The following FBXO36 variants were observed in gnomAD, a reference collection of about 807,000 sequenced individuals.
The protein encoded by FBXO36 is F-box only protein 36.
A neutral mutation model predicts 17.0 loss-of-function variants in FBXO36; 18 were observed. That is an observed-to-expected ratio of 1.06 (90% CI 0.73 to 1.57). FBXO36 has a LOEUF of 1.57. FBXO36 is among the 40% of genes most tolerant of loss of function. The probability of loss-of-function intolerance (pLI) is 0.00; values close to 1 mark genes in which losing one functional copy is unlikely to be tolerated. For missense variants in FBXO36, 229 were observed against 221.9 expected (o/e 1.03, Z -0.20); for synonymous variants, 83 against 85.3 (o/e 0.97, Z 0.15).
At chr2:230,004,514 A>T (rs1304943049) in intron 3 of FBXO36, among the ~76,000 whole-genome samples, 2 of 152,118 alleles carry the variant, frequency 1.3e-5, no homozygotes, top group Admixed American at 6.6e-5. Context: ...TCTGATTCTC[A>T]TCTCTAGTGG....
At chr2:229,954,844 G>A (rs1024615200) in intron 1 of FBXO36, among the ~76,000 whole-genome samples, 9 of 150,694 alleles carry the variant, frequency 6.0e-5, no homozygotes, top group African/African-American at 2.2e-4. Context: ...ACCATGCCTG[G>A]CGTTTTTTGT....
chr2:229,934,883 GA>G (rs2076956415), intron 1 of FBXO36, among the ~76,000 whole-genome samples: 1 of 152,136 alleles, frequency 6.6e-6, no homozygotes, highest in Non-Finnish European at 1.5e-5. Flanking sequence ...TTGAACTCCT[GA>G]CCACAGCCTC....
At chr2:230,005,064 T>C (rs917309938) in intron 3 of FBXO36, among the ~76,000 whole-genome samples, 2 of 152,088 alleles carry the variant, frequency 1.3e-5, no homozygotes, top group East Asian at 3.8e-4. Context: ...AAAATTGCCA[T>C]AGGATATCAG....
chr2:229,952,869 A>G (rs886990621), intron 1 of FBXO36, among the ~76,000 whole-genome samples: 2 of 152,176 alleles, frequency 1.3e-5, no homozygotes, highest in Non-Finnish European at 1.5e-5. Context: ...AGATCATGAC[A>G]TGGAGAACTC....
intron 1 of FBXO36, among the ~76,000 whole-genome samples, chr2:229,966,750 T>A (rs1288196712): frequency 6.6e-6 from 1 of 152,226 alleles, no homozygotes; most frequent in Non-Finnish European, 1.5e-5. Flanking sequence ...ATCTCTGTTT[T>A]GGTACCAGTA....
chr2:229,947,613 T>C (rs1015883784), intron 1 of FBXO36, among the ~76,000 whole-genome samples: 4 of 152,224 alleles, frequency 2.6e-5, no homozygotes, highest in African/African-American at 9.6e-5. Flanking sequence ...AGCTTTCTTA[T>C]TAGATTTTGT....
In FBXO36 at chr2:229,922,508, C is replaced by A. The variant is rs760244630; in HGVS notation, c.-6C>A. ...GTTGTCTTAGCGACGGCGGTGGCGT[C>A]CCAAGATGGCGTCGTGGCTGCCGGA... On this transcript the variant is annotated 5_prime_UTR_variant, in exon 1 of 4. Coordinates refer to ENST00000283946, the MANE Select transcript of FBXO36 (RefSeq NM_174899.5). 1 of 1,614,024 alleles carries A rather than the reference C, an allele frequency of 6.2e-7. No homozygotes were observed. Among genetic ancestry groups the A allele is most frequent in the Non-Finnish European group, 8.5e-7 (1 of 1,179,980 alleles).
At chr2:229,992,748 A>C (rs1008072243) in intron 2 of FBXO36, among the ~76,000 whole-genome samples, 6 of 152,236 alleles carry the variant, frequency 3.9e-5, no homozygotes, top group African/African-American at 7.2e-5. Flanking sequence ...CCAGTGGACC[A>C]GAAATTTGGG....
intron 2 of FBXO36, among the ~76,000 whole-genome samples, chr2:229,994,825 G>A (rs756869265): frequency 6.6e-6 from 1 of 152,078 alleles, no homozygotes; most frequent in Non-Finnish European, 1.5e-5. Flanking sequence ...CTTAAAAGGA[G>A]GTAGTCTTGG....
intron 3 of FBXO36, among the ~76,000 whole-genome samples, chr2:230,007,846 G>A (rs925411304): frequency 3.3e-5 from 5 of 151,786 alleles, no homozygotes; most frequent in East Asian, 3.9e-4. Context: ...TCCACCCTTC[G>A]GCCTCCCAAA....
intron 3 of FBXO36, among the ~76,000 whole-genome samples, chr2:229,999,013 A>T (rs2077343095): frequency 6.6e-6 from 1 of 151,736 alleles, no homozygotes; most frequent in Admixed American, 6.6e-5. Flanking sequence ...CGTGTTAGCC[A>T]GGATGGTCTC....
intron 3 of FBXO36, among the ~76,000 whole-genome samples, chr2:230,004,716 A>G (rs1303388383): frequency 6.6e-6 from 1 of 152,152 alleles, no homozygotes. Flanking sequence ...CTTTTAAAAT[A>G]TCAGTACTGG....
chr2:229,995,883 T>C (rs2077324537), intron 2 of FBXO36, among the ~76,000 whole-genome samples: 1 of 151,572 alleles, frequency 6.6e-6, no homozygotes, highest in African/African-American at 2.4e-5. Flanking sequence ...TGAGCCTCCG[T>C]GCCCAGCCCT....
chr2:229,996,980 A>T (rs2077331010), intron 3 of FBXO36, 57 bp downstream of exon 3: 3 of 1,524,698 alleles, frequency 2.0e-6, no homozygotes, highest in East Asian at 2.3e-5. Context: ...TCTAAAAAAA[A>T]TTTTTAACAT....
chr2:229,943,837 G>A (rs2077012751), intron 1 of FBXO36, among the ~76,000 whole-genome samples: 1 of 152,152 alleles, frequency 6.6e-6, no homozygotes, highest in African/African-American at 2.4e-5. Context: ...TTGGATTTGT[G>A]TCCTTGCCCC....
At chr2:229,939,051 G>GTTTTTT (rs1475660449) in intron 1 of FBXO36, 7 of 123,218 alleles carry the variant, frequency 5.7e-5, no homozygotes, top group African/African-American at 2.0e-4. Context: ...TTTTTGGTTT[G>GTTTTTT]TTTTTTGTTT....
At chr2:229,955,409 G>C (rs2077082177) in intron 1 of FBXO36, among the ~76,000 whole-genome samples, 1 of 152,016 alleles carries the variant, frequency 6.6e-6, no homozygotes, top group Admixed American at 6.6e-5. Flanking sequence ...CCAGCTACTT[G>C]GGAGGCTGAG....
intron 3 of FBXO36, among the ~76,000 whole-genome samples, chr2:230,006,004 G>A (rs1471167916): frequency 6.6e-6 from 1 of 151,834 alleles, no homozygotes; most frequent in Admixed American, 6.6e-5. Context: ...TGTATGTCTA[G>A]CATTCCACTA....
intron 2 of FBXO36, among the ~76,000 whole-genome samples, chr2:229,983,994 C>T (rs2077254205): frequency 6.6e-6 from 1 of 152,168 alleles, no homozygotes; most frequent in Admixed American, 6.5e-5. Context: ...CCAGAGACGA[C>T]CATTCTAAAT....
Sources: allele counts gnomAD v4.1 joint callset (sites outside exome capture counted in the v4.1 genomes callset), GRCh38; gene constraint gnomAD v4.1.1; transcripts MANE v1.5; gene names NCBI Gene and HGNC (gene_info 2026-07-23, HGNC 2026-07-21).